Variants in EIPR1 observed in about 807,000 individuals in gnomAD.
EIPR1 encodes EARP complex and GARP complex interacting protein 1.
A neutral mutation model predicts 48.1 loss-of-function variants in EIPR1; 25 were observed. That is an observed-to-expected ratio of 0.52 (90% CI 0.38 to 0.73). The LOEUF (loss-of-function observed/expected upper bound fraction) is 0.73. Ranked by LOEUF, EIPR1 falls within the 30% of genes least tolerant of loss-of-function variation. EIPR1 has a pLI of 0.00. For missense variants in EIPR1, 415 were observed against 506.2 expected (o/e 0.82, Z 1.73); for synonymous variants, 204 against 201.9 (o/e 1.01, Z -0.09).
intron 4 of EIPR1, among the ~76,000 whole-genome samples, chr2:3,225,935 G>A (rs911290364): frequency 2.6e-5 from 4 of 152,178 alleles, no homozygotes; most frequent in Non-Finnish European, 5.9e-5. Context: ...ATGTCCTCCA[G>A]GTTCGTCCAT....
At chr2:3,348,074 G>C (rs111345677) in intron 2 of EIPR1, among the ~76,000 whole-genome samples, 2 of 152,134 alleles carry the variant, frequency 1.3e-5, no homozygotes, top group Non-Finnish European at 2.9e-5. Context: ...CAGGCGGGGG[G>C]GCTGCAGGAA....
chr2:3,319,172 C>T, intron 3 of EIPR1: 1 of 340,256 alleles, frequency 2.9e-6, no homozygotes, highest in South Asian at 2.3e-5. Flanking sequence ...CAAAAACCAG[C>T]AAGAAGAAAA....
intron 5 of EIPR1, among the ~76,000 whole-genome samples, chr2:3,203,650 C>T (rs1665125187): frequency 6.6e-6 from 1 of 152,240 alleles, no homozygotes; most frequent in Non-Finnish European, 1.5e-5. Context: ...TGGTCGGCAG[C>T]GTCTGGGATG....
intron 4 of EIPR1, among the ~76,000 whole-genome samples, chr2:3,235,830 A>G (rs767801724): frequency 2.0e-5 from 3 of 152,202 alleles, no homozygotes; most frequent in Non-Finnish European, 2.9e-5. Flanking sequence ...CCATGTCAGC[A>G]CTTGGTCCAG....
At chr2:3,362,725 C>A (rs1004634305) in intron 1 of EIPR1, among the ~76,000 whole-genome samples, 5 of 143,600 alleles carry the variant, frequency 3.5e-5, no homozygotes, top group African/African-American at 1.3e-4. Flanking sequence ...CATCTATAAT[C>A]CAAAGGCATA....
At chr2:3,363,170 G>A (rs1309901894) in intron 1 of EIPR1, among the ~76,000 whole-genome samples, 1 of 146,642 alleles carries the variant, frequency 6.8e-6, no homozygotes, top group Non-Finnish European at 1.5e-5. Context: ...GATCCTGCTG[G>A]ACCAGGAAAA....
At chr2:3,272,704 A>T (rs188131117) in intron 3 of EIPR1, among the ~76,000 whole-genome samples, 236 of 152,350 alleles carry the variant, frequency 1.5e-3, no homozygotes, top group Non-Finnish European at 2.7e-3. Flanking sequence ...ATGATGAAAA[A>T]ATTTGAAATA....
chr2:3,242,560 A>T (rs1666670208), intron 4 of EIPR1, among the ~76,000 whole-genome samples: 1 of 151,358 alleles, frequency 6.6e-6, no homozygotes, highest in African/African-American at 2.4e-5. Flanking sequence ...CCCTGACTCC[A>T]CACCACACAC....
chr2:3,205,822 G>A (rs1348158421), intron 5 of EIPR1, among the ~76,000 whole-genome samples: 4 of 152,188 alleles, frequency 2.6e-5, no homozygotes, highest in Non-Finnish European at 5.9e-5. Flanking sequence ...ACTCACGCAC[G>A]TGACAATATT....
At chr2:3,340,677 T>G (rs758215412) in intron 2 of EIPR1, among the ~76,000 whole-genome samples, 25 of 152,330 alleles carry the variant, frequency 1.6e-4, no homozygotes, top group African/African-American at 6.0e-4. Flanking sequence ...ATGTGTCCCA[T>G]GACGCCACAT....
intron 5 of EIPR1, chr2:3,208,756 G>A (rs1469025576): frequency 1.9e-6 from 3 of 1,548,128 alleles, no homozygotes; most frequent in East Asian, 4.9e-5. Flanking sequence ...TGTGAGTGAG[G>A]CCCGTGGCGA....
intron 3 of EIPR1, among the ~76,000 whole-genome samples, chr2:3,332,406 C>T (rs556894212): frequency 4.6e-5 from 7 of 152,316 alleles, no homozygotes; most frequent in African/African-American, 7.2e-5. Context: ...TAATTCCCTG[C>T]GTGACCAGGC....
chr2:3,366,850 C>T (rs1243705691), intron 1 of EIPR1, among the ~76,000 whole-genome samples: 1 of 152,102 alleles, frequency 6.6e-6, no homozygotes, highest in Non-Finnish European at 1.5e-5. Context: ...GTCAGGAGTT[C>T]GAGACCAGCC....
intron 5 of EIPR1, among the ~76,000 whole-genome samples, chr2:3,211,420 G>A (rs1665452950): frequency 6.6e-6 from 1 of 152,180 alleles, no homozygotes; most frequent in South Asian, 2.1e-4. Flanking sequence ...CTCCCCACGA[G>A]CTCTGAGATT....
intron 2 of EIPR1, among the ~76,000 whole-genome samples, chr2:3,344,420 C>T (rs942053486): frequency 1.3e-5 from 2 of 152,322 alleles, no homozygotes; most frequent in Non-Finnish European, 2.9e-5. Context: ...GTCGGCTTCA[C>T]GCTTCAGCTC....
chr2:3,357,147 T>C (rs560699278), intron 1 of EIPR1, among the ~76,000 whole-genome samples: 1 of 152,342 alleles, frequency 6.6e-6, no homozygotes, highest in South Asian at 2.1e-4. Flanking sequence ...CAGCAGGTAT[T>C]TGGACCTGAG....
intron 3 of EIPR1, among the ~76,000 whole-genome samples, chr2:3,315,222 C>T (rs13000453): frequency 8.1e-5 from 5 of 61,552 alleles, no homozygotes; most frequent in Non-Finnish European, 1.2e-4. Flanking sequence ...CCTACCACCA[C>T]CATCACCACC....
In EIPR1 at chr2:3,377,756, C is replaced by T; in HGVS notation, c.-67G>A. 4 of 1,540,838 alleles carry T rather than the reference C, an allele frequency of 2.6e-6. No homozygotes were observed. Among genetic ancestry groups the T allele is most frequent in the Non-Finnish European group, 3.5e-6 (4 of 1,139,272 alleles). ...GGACCTCGCTACGGCCGGCGCGTCC[C>T]CACCTCGCGGGCGTGTTCCCAGCGC... On this transcript the variant is annotated 5_prime_UTR_variant, in exon 1 of 9. It introduces an in-frame stop codon into an upstream open reading frame of the 5' UTR. Transcript: ENST00000382125.
chr2:3,237,740 G>C (rs2103179509), intron 4 of EIPR1, among the ~76,000 whole-genome samples: 1 of 152,304 alleles, frequency 6.6e-6, no homozygotes, highest in East Asian at 1.9e-4. Context: ...TGAGCCCTTG[G>C]TGCCTGCATC....
Sources: allele counts gnomAD v4.1 joint callset (sites outside exome capture counted in the v4.1 genomes callset), GRCh38; gene constraint gnomAD v4.1.1; transcripts MANE v1.5; gene names NCBI Gene and HGNC (gene_info 2026-07-23, HGNC 2026-07-21).